The following THSD7A variants were observed in gnomAD, a reference collection of about 807,000 sequenced individuals.
THSD7A encodes thrombospondin type 1 domain containing 7A.
A neutral mutation model predicts 231.3 loss-of-function variants in THSD7A; 96 were observed. The ratio of observed to expected loss-of-function variants is 0.41; its 90% CI spans 0.35 to 0.49. THSD7A has a LOEUF of 0.49. THSD7A is among the 20% of genes least tolerant of loss of function. The pLI is 0.05. For synonymous variants in THSD7A, 940 were observed against 743.3 expected (o/e 1.26, Z -4.30); for missense variants, 2,290 against 2,070.2 (o/e 1.11, Z -2.06).
intron 19 of THSD7A, among the ~76,000 whole-genome samples, chr7:11,408,478 A>G (rs951864772): frequency 6.6e-6 from 1 of 151,094 alleles, no homozygotes; most frequent in Non-Finnish European, 1.5e-5. Flanking sequence ...AGGCTGGGCA[A>G]TAGAGCAAGA....
At chr7:11,821,293 T>C (rs1212233111) in intron 1 of THSD7A, 1 of 913,366 alleles carries the variant, frequency 1.1e-6, no homozygotes, top group African/African-American at 1.6e-5. Flanking sequence ...GGAACGAAAC[T>C]CCTATTGGAA....
intron 1 of THSD7A, among the ~76,000 whole-genome samples, chr7:11,799,015 C>A (rs1440984221): frequency 6.6e-6 from 1 of 151,890 alleles, no homozygotes; most frequent in African/African-American, 2.4e-5. Context: ...CTCTGCCTCC[C>A]GGGTTCAAGT....
rs757609817 is a variant in THSD7A at position 11,406,478 on chromosome 7, G to C, written c.4063-4C>G. 10 of 1,602,042 alleles carry C rather than the reference G, an allele frequency of 6.2e-6. No homozygotes were observed. The African/African-American group carries it at 6.7e-5, about 11-fold the overall frequency. On this transcript the variant is annotated splice_region_variant and splice_polypyrimidine_tract_variant and intron_variant, in intron 21 of 27. Transcript: ENST00000423059. This position sits in a 1 kb window ranked among gnomAD's most constrained non-coding sequence, Gnocchi z 4.7. Reference sequence around the variant, plus strand: ...TCCCTTCTCCACACTGGGCCTCCTGGAATGGAGGAAGAAATAACTAATTAG... The same window carrying C: ...TCCCTTCTCCACACTGGGCCTCCTGCAATGGAGGAAGAAATAACTAATTAG...
chr7:11,398,775 T>A (rs185112162), intron 23 of THSD7A, among the ~76,000 whole-genome samples: 1 of 152,144 alleles, frequency 6.6e-6, no homozygotes. Context: ...ACCAGAGAGG[T>A]TTGTCACTGC....
intron 23 of THSD7A, among the ~76,000 whole-genome samples, chr7:11,401,135 T>C (rs1411422707): frequency 6.6e-6 from 1 of 152,168 alleles, no homozygotes; most frequent in Non-Finnish European, 1.5e-5. Context: ...TCTCACACTT[T>C]GCTGTGGATT....
Position 11,814,857 on chromosome 7 carries a change from G to A in THSD7A, c.190+16900C>T, listed in dbSNP as rs1404373752. On this transcript the variant is annotated intron_variant, in intron 1 of 27. Coordinates refer to ENST00000423059, the MANE Select transcript of THSD7A (RefSeq NM_015204.3). This position sits in a 1 kb window ranked among gnomAD's most constrained non-coding sequence, Gnocchi z 5.1. ...AAGAAGCTGTTTGATAAGAGTGATT[G>A]GATCTTCTGATCTTTGCTGCATTTC... Among the ~76,000 whole-genome samples, 2 of 152,012 alleles carry A rather than the reference G, an allele frequency of 1.3e-5. No individual in the cohort carries two copies. The highest frequency in any genetic ancestry group is 2.4e-5 in the African/African-American group (1 of 41,396).
At chr7:11,765,552 T>C (rs1440134647) in intron 1 of THSD7A, among the ~76,000 whole-genome samples, 4 of 152,200 alleles carry the variant, frequency 2.6e-5, no homozygotes, top group Non-Finnish European at 1.5e-5. Flanking sequence ...ATGGTTTGTA[T>C]AATAATTTGT....
At chr7:11,824,989 T>C (rs1784983104) in intron 1 of THSD7A, among the ~76,000 whole-genome samples, 1 of 152,134 alleles carries the variant, frequency 6.6e-6, no homozygotes, top group Non-Finnish European at 1.5e-5. Flanking sequence ...TAGTCTTTGG[T>C]AAGTGCTGTC....
chr7:11,788,033 C>A (rs1010127889), intron 1 of THSD7A, among the ~76,000 whole-genome samples: 4 of 151,968 alleles, frequency 2.6e-5, no homozygotes. Context: ...CCCAACTCAC[C>A]ATCTTGGCTA....
intron 4 of THSD7A, among the ~76,000 whole-genome samples, chr7:11,549,456 C>A (rs1789534800): frequency 6.6e-6 from 1 of 152,044 alleles, no homozygotes; most frequent in African/African-American, 2.4e-5. Flanking sequence ...ATAAATCATC[C>A]TATTATAAAG....
At position 11,406,506 on chromosome 7, in the gene THSD7A, A is replaced by G. The variant is rs774197845; in HGVS notation, c.4063-32T>C. 6.4e-7 allele frequency: 1 copy of G among 1,568,860 alleles called. No homozygotes were observed. The highest frequency in any genetic ancestry group is 1.9e-5 in the Admixed American group (1 of 52,322). ...TGGAGGAAGAAATAACTAATTAGAA[A>G]AAGAGAAATACTTCATTAGAGAGCT... On this transcript the variant is annotated intron_variant, in intron 21 of 27. Transcript: ENST00000423059. The surrounding 1 kb of genome is among the most constrained non-coding windows in gnomAD (Gnocchi z 4.7).
intron 1 of THSD7A, among the ~76,000 whole-genome samples, chr7:11,703,988 T>G (rs763422348): frequency 6.6e-6 from 1 of 151,198 alleles, no homozygotes; most frequent in African/African-American, 2.4e-5. Context: ...ACAAAATAGG[T>G]TTCAGAATAC....
At chr7:11,691,936 A>T (rs1780245185) in intron 1 of THSD7A, among the ~76,000 whole-genome samples, 2 of 151,708 alleles carry the variant, frequency 1.3e-5, no homozygotes, top group African/African-American at 4.8e-5. Context: ...ATTCAAAAAT[A>T]ACATTTAAAA....
At chr7:11,511,080 CAA>C (rs1562671306) in intron 6 of THSD7A, among the ~76,000 whole-genome samples, 1 of 152,184 alleles carries the variant, frequency 6.6e-6, no homozygotes, top group East Asian at 1.9e-4. Context: ...GCAACTTCAG[CAA>C]AGTCTCAGGA....
Position 11,371,721 on chromosome 7 carries a change from T to C in THSD7A, c.*4073A>G, listed in dbSNP as rs1782059314. The C allele has an allele frequency of 6.7e-6, 1 of 149,512 alleles. No homozygotes were observed. Among genetic ancestry groups the C allele is most frequent in the Admixed American group, 6.7e-5 (1 of 14,926 alleles). 9.3% of individuals were successfully genotyped at this position (149,512 alleles called of 1,614,324 possible). A position where few individuals can be genotyped will look rare whatever the true frequency, so the allele number is the denominator to read the frequency against. On this transcript the variant is annotated 3_prime_UTR_variant, in exon 28 of 28. Transcript: ENST00000423059. ...GGATGGTCTAAAGCAAGTGTAGGCA[T>C]GGACATTTTTACAGAAAAGGGCTTT... is the stretch of plus-strand genomic sequence containing the variant.
At chr7:11,627,736 T>C (rs73676052) in intron 2 of THSD7A, among the ~76,000 whole-genome samples, 15,075 of 152,098 alleles carry the variant, frequency 0.099, 835 homozygotes, top group South Asian at 0.14. Flanking sequence ...TTTTGAATTA[T>C]AATTTTGGTC....
chr7:11,379,872 C>T (rs949133054), intron 24 of THSD7A, 160 bp from the exon 25 acceptor site: 1 of 732,496 alleles, frequency 1.4e-6, no homozygotes, highest in African/African-American at 1.7e-5. Context: ...CCTTGACCAC[C>T]TTATGTAGTG....
intron 2 of THSD7A, among the ~76,000 whole-genome samples, chr7:11,609,964 G>T (rs1780867321): frequency 6.6e-6 from 1 of 152,056 alleles, no homozygotes; most frequent in Non-Finnish European, 1.5e-5. Flanking sequence ...AGGGAGAGAA[G>T]CATTTCCATT....
intron 1 of THSD7A, among the ~76,000 whole-genome samples, chr7:11,768,278 T>G (rs1419372908): frequency 6.6e-6 from 1 of 152,180 alleles, no homozygotes; most frequent in Non-Finnish European, 1.5e-5. Context: ...CAGGATATAT[T>G]GGCAAACGGA....
Sources: gnomAD v4.1 joint callset for allele counts (sites outside exome capture counted in the v4.1 genomes callset) on GRCh38, gnomAD v4.1.1 for gene constraint, Gnocchi (gnomAD v3.1) non-coding constraint, MANE v1.5 for transcripts, NCBI Gene and HGNC (gene_info 2026-07-23, HGNC 2026-07-21) for gene names.